Variants in CSPP1 observed in about 807,000 individuals in gnomAD.
The protein encoded by CSPP1 is centrosome and spindle pole associated protein 1, also known as centrosome and spindle pole-associated protein 1.
A neutral mutation model predicts 164.4 loss-of-function variants in CSPP1; 126 were observed. The observed-to-expected ratio is 0.77, with a 90% CI of 0.66 to 0.89. The LOEUF is 0.89. CSPP1 is among the 40% of genes least tolerant of loss of function. The probability of loss-of-function intolerance (pLI) is 0.00; values close to 1 mark genes in which losing one functional copy is unlikely to be tolerated. For missense variants in CSPP1, 1,395 were observed against 1,449.8 expected (o/e 0.96, Z 0.61); for synonymous variants, 472 against 476.7 (o/e 0.99, Z 0.13).
chr8:67,066,937 G>A (rs763610186), intron 1 of CSPP1, among the ~76,000 whole-genome samples: 2 of 151,978 alleles, frequency 1.3e-5, no homozygotes, highest in Non-Finnish European at 2.9e-5. Context: ...TTTATTCGTA[G>A]TAAAGATGGG....
chr8:67,114,023 T>A (rs188304258), intron 11 of CSPP1, 161 bp downstream of exon 11: 554 of 499,750 alleles, frequency 1.1e-3, no homozygotes, highest in Non-Finnish European at 1.5e-3. Context: ...TAAATTCTCT[T>A]AACTGTTATT....
intron 18 of CSPP1, among the ~76,000 whole-genome samples, chr8:67,153,538 T>G (rs1038523471): frequency 3.3e-5 from 5 of 152,252 alleles, no homozygotes; most frequent in African/African-American, 1.2e-4. Flanking sequence ...AAAGCTGACT[T>G]TCTATTCTGT....
intron 9 of CSPP1, among the ~76,000 whole-genome samples, chr8:67,109,960 TTTAGGCAAGCA>T (rs1220658170): frequency 6.6e-6 from 1 of 152,088 alleles, no homozygotes; most frequent in Non-Finnish European, 1.5e-5. Context: ...TGGGTACGTC[TTTAGGCAAGCA>T]GAAATCGGCT....
intron 8 of CSPP1, 80 bp from the exon 9 acceptor site, chr8:67,105,825 T>C: frequency 2.6e-6 from 2 of 762,736 alleles, no homozygotes; most frequent in East Asian, 5.1e-5. Context: ...AATTCATAGC[T>C]ACATTTTACT....
intron 13 of CSPP1, among the ~76,000 whole-genome samples, chr8:67,117,728 G>A (rs1818214615): frequency 1.3e-5 from 2 of 152,096 alleles, no homozygotes; most frequent in South Asian, 4.1e-4. Flanking sequence ...ACACACACAA[G>A]CTCACTCCAG....
chr8:67,180,230 C>A (rs962261010), intron 28 of CSPP1, among the ~76,000 whole-genome samples: 1 of 152,100 alleles, frequency 6.6e-6, no homozygotes, highest in Non-Finnish European at 1.5e-5. Flanking sequence ...TAAAAAAACT[C>A]TGGTACATCC....
intron 7 of CSPP1, among the ~76,000 whole-genome samples, chr8:67,101,396 G>T (rs1391365837): frequency 6.6e-6 from 1 of 152,220 alleles, no homozygotes; most frequent in Non-Finnish European, 1.5e-5. Context: ...AGGATTTTCT[G>T]AGGATAGGCA....
intron 15 of CSPP1, among the ~76,000 whole-genome samples, chr8:67,127,904 T>C (rs961108693): frequency 1.3e-5 from 2 of 152,238 alleles, no homozygotes; most frequent in Admixed American, 1.3e-4. Flanking sequence ...AAATATTTGT[T>C]TGTTTCCAAG....
At position 67,185,984 on chromosome 8, in the gene CSPP1, A is replaced by T. The variant is rs1323237463; in HGVS notation, c.3221-4666A>T. 2.6e-5 allele frequency among the ~76,000 whole-genome samples: 4 copies of T among 152,242 alleles called. No individual in the cohort carries two copies. In the East Asian group the frequency reaches 7.7e-4, roughly 29 times the overall value. ...ACTTAAAGCAAAAATGCAAGCAAGT[A>T]TAGGAAAAGGTGGTTCTCTTCCCAA... On this transcript the variant is annotated intron_variant, in intron 28 of 30. Transcript: ENST00000678616.
intron 10 of CSPP1, among the ~76,000 whole-genome samples, chr8:67,113,192 CTGAGA>C (rs1435497440): frequency 6.6e-6 from 1 of 152,160 alleles, no homozygotes; most frequent in African/African-American, 2.4e-5. Flanking sequence ...TTGCAGTGAG[CTGAGA>C]TAACGCCAGT....
chr8:67,123,033 A>T (rs1322076747), intron 15 of CSPP1: 2 of 152,334 alleles, frequency 1.3e-5, no homozygotes, highest in Non-Finnish European at 2.9e-5. Flanking sequence ...AGCAGCTAGG[A>T]CTACAGCCGT....
At chr8:67,133,137 T>C (rs1259320663) in intron 16 of CSPP1, among the ~76,000 whole-genome samples, 1 of 152,214 alleles carries the variant, frequency 6.6e-6, no homozygotes, top group East Asian at 1.9e-4. Flanking sequence ...ACTCTAGAGG[T>C]CTATTTGATG....
intron 1 of CSPP1, among the ~76,000 whole-genome samples, chr8:67,067,757 G>A (rs928964535): frequency 4.0e-5 from 6 of 151,554 alleles, no homozygotes; most frequent in Admixed American, 1.3e-4. Context: ...GCCACAACGC[G>A]CGGCTGCAGG....
chr8:67,132,008 A>T lies in CSPP1; in HGVS notation c.1755A>T (p.Gly585=), dbSNP rs1341582699. ...KITSDQVINS[G]LIFEDKPKPS... ...CAAGTGATCAAGTGATAAATTCAGGATTGATTTTTGAAGATAAACCGAAAC... is the reference window on the plus strand; with the variant it reads ...CAAGTGATCAAGTGATAAATTCAGGTTTGATTTTTGAAGATAAACCGAAAC... The change falls in exon 16 of 31, where the codon GGA becomes GGT. Residue 585 remains glycine (G), a synonymous_variant. Coordinates refer to ENST00000678616, the MANE Select transcript of CSPP1 (RefSeq NM_001382391.1). 6.2e-7 allele frequency: 1 copy of T among 1,613,760 alleles called. No homozygotes were observed. Among genetic ancestry groups the T allele is most frequent in the Admixed American group, 1.7e-5 (1 of 59,986 alleles).
At chr8:67,131,038 T>C (rs1821134411) in intron 15 of CSPP1, among the ~76,000 whole-genome samples, 1 of 152,080 alleles carries the variant, frequency 6.6e-6, no homozygotes, top group South Asian at 2.1e-4. Flanking sequence ...AATTTATCTT[T>C]TATAATTTAG....
At chr8:67,150,446 C>G (rs1825498684) in intron 18 of CSPP1, among the ~76,000 whole-genome samples, 1 of 151,738 alleles carries the variant, frequency 6.6e-6, no homozygotes, top group Non-Finnish European at 1.5e-5. Context: ...CTTTGTTATC[C>G]CAGGCTGGAG....
At chr8:67,185,704 G>C (rs1438781880) in intron 28 of CSPP1, among the ~76,000 whole-genome samples, 2 of 152,074 alleles carry the variant, frequency 1.3e-5, no homozygotes, top group Non-Finnish European at 2.9e-5. Context: ...AGGTTCCAAA[G>C]AAAAAAGTAA....
In CSPP1 at chr8:67,086,852, G is replaced by A. The variant is rs893159288; in HGVS notation, c.303+742G>A. The stretch of plus-strand genomic sequence containing the variant: ...TTACACAAGGGAAAAGAAAGGTAGG[G>A]TTGTCTGCAATACGTCCTCCTTCAG... On this transcript the variant is annotated intron_variant, in intron 4 of 30. Coordinates refer to ENST00000678616, the MANE Select transcript of CSPP1 (RefSeq NM_001382391.1). The A allele has an allele frequency of 2.2e-6, 3 of 1,353,732 alleles. No homozygotes were observed. In the African/African-American group the frequency reaches 4.5e-5, roughly 20 times the overall value. 83.9% of individuals were successfully genotyped at this position (1,353,732 alleles called of 1,614,324 possible). A position where few individuals can be genotyped will look rare whatever the true frequency, so the allele number is the denominator to read the frequency against.
intron 8 of CSPP1, among the ~76,000 whole-genome samples, chr8:67,105,099 C>A (rs1815204231): frequency 7.1e-6 from 1 of 141,528 alleles, no homozygotes; most frequent in Non-Finnish European, 1.5e-5. Flanking sequence ...GATCTTGGCT[C>A]ACTGTACCCT....
Sources: gnomAD v4.1 joint callset for allele counts (sites outside exome capture counted in the v4.1 genomes callset) on GRCh38, gnomAD v4.1.1 for gene constraint, MANE v1.5 for transcripts, NCBI Gene and HGNC (gene_info 2026-07-23, HGNC 2026-07-21) for gene names.